Variants in BCAR3 observed in about 807,000 individuals in gnomAD.
The protein encoded by BCAR3 is BCAR3 adaptor protein, NSP family member.
A neutral mutation model predicts 80.1 loss-of-function variants in BCAR3; 37 were observed. The observed-to-expected ratio is 0.46, with a 90% CI of 0.36 to 0.61. The LOEUF is 0.61. BCAR3 is among the 20% of genes least tolerant of loss of function. The pLI is 0.00. For missense variants in BCAR3, 978 were observed against 1,068.2 expected (o/e 0.92, Z 1.18); for synonymous variants, 389 against 418.9 (o/e 0.93, Z 0.87).
At chr1:93,695,890 C>G (rs1012110559) in intron 3 of BCAR3, among the ~76,000 whole-genome samples, 3 of 152,306 alleles carry the variant, frequency 2.0e-5, no homozygotes, top group South Asian at 2.1e-4. Context: ...GACTCTTTTG[C>G]TACCTCTCTG....
chr1:93,716,059 C>T (rs1008897188), intron 2 of BCAR3, among the ~76,000 whole-genome samples: 1 of 152,190 alleles, frequency 6.6e-6, no homozygotes, highest in Admixed American at 6.5e-5. Context: ...GGGCCCAGAA[C>T]AGTTTGCAGG....
chr1:93,811,680 G>C (rs564870840), intron 2 of BCAR3, among the ~76,000 whole-genome samples: 9 of 152,302 alleles, frequency 5.9e-5, no homozygotes, highest in African/African-American at 2.2e-4. Context: ...TGGCCTGTGA[G>C]CTTCTTCCAC....
intron 3 of BCAR3, among the ~76,000 whole-genome samples, chr1:93,634,704 A>G (rs1489730969): frequency 7.7e-6 from 1 of 129,306 alleles, no homozygotes; most frequent in Non-Finnish European, 1.6e-5. Context: ...CAAAACAACA[A>G]CAACAACAAC....
rs1441900160 is a variant in BCAR3, at chr1:93,786,061, C to T, written c.-63+59506G>A. ...ACAAAAAATTAGCCGGGCGTGGTGG[C>T]GGGCGCCTGTAGTCCCAGCTACTCG... is the stretch of plus-strand genomic sequence containing the variant. On this transcript the variant is annotated intron_variant, in intron 2 of 13. Transcript: ENST00000370244. 2.0e-4 allele frequency among the ~76,000 whole-genome samples: 28 copies of T among 141,338 alleles called. 1 individual carries two copies. Among genetic ancestry groups the T allele is most frequent in the Admixed American group, 1.8e-3 (26 of 14,102 alleles). 92.7% of individuals were successfully genotyped at this position (141,338 alleles called of 152,430 possible).
chr1:93,755,963 G>A (rs1369201753), intron 2 of BCAR3, among the ~76,000 whole-genome samples: 1 of 152,146 alleles, frequency 6.6e-6, no homozygotes, highest in Non-Finnish European at 1.5e-5. Flanking sequence ...CCCACAGCAG[G>A]AGCCAGCTTG....
chr1:93,764,555 TC>T (rs1448072342), intron 2 of BCAR3, among the ~76,000 whole-genome samples: 2 of 152,086 alleles, frequency 1.3e-5, no homozygotes, highest in Non-Finnish European at 2.9e-5. Flanking sequence ...GCTGCGGCTA[TC>T]ACCACTCTCT....
In BCAR3 at chr1:93,806,409, G is replaced by A. The variant is rs1571140958; in HGVS notation, c.-63+39158C>T. ...GCTGGATAGGACTAACATGGAAAGT[G>A]AGGGGTGAAACTATGCAAGAACAAA... On this transcript the variant is annotated intron_variant, in intron 2 of 13. Coordinates refer to the BCAR3 transcript ENST00000370244. Among the ~76,000 whole-genome samples, 3 of 152,184 alleles carry A rather than the reference G, an allele frequency of 2.0e-5. No individual in the cohort carries two copies. The East Asian group carries it at 5.8e-4, about 29-fold the overall frequency.
chr1:93,607,277 G>C (rs1020398908), intron 3 of BCAR3, among the ~76,000 whole-genome samples: 1 of 152,164 alleles, frequency 6.6e-6, no homozygotes, highest in African/African-American at 2.4e-5. Context: ...CAGCTTCGGG[G>C]TGGAGGAAGA....
chr1:93,604,576 T>G (rs1328472084), intron 3 of BCAR3, among the ~76,000 whole-genome samples: 1 of 152,242 alleles, frequency 6.6e-6, no homozygotes, highest in African/African-American at 2.4e-5. Flanking sequence ...TACATTAGAA[T>G]CATTGTGATA....
At chr1:93,667,641 C>T (rs1647989556) in intron 2 of BCAR3, among the ~76,000 whole-genome samples, 1 of 152,194 alleles carries the variant, frequency 6.6e-6, no homozygotes, top group African/African-American at 2.4e-5. Flanking sequence ...TTTCTCAGAC[C>T]TCTCTAACTT....
intron 3 of BCAR3, among the ~76,000 whole-genome samples, chr1:93,618,229 T>C (rs935797656): frequency 6.6e-6 from 1 of 152,250 alleles, no homozygotes; most frequent in Admixed American, 6.5e-5. Flanking sequence ...CTGCGCCCTC[T>C]GGCCCCCTTT....
intron 3 of BCAR3, among the ~76,000 whole-genome samples, chr1:93,695,043 C>T (rs1029644289): frequency 3.9e-5 from 6 of 152,220 alleles, no homozygotes; most frequent in Non-Finnish European, 8.8e-5. Context: ...ACATTCCCCT[C>T]GCCCTCCCAC....
At chr1:93,616,915 C>A (rs1471536631) in intron 3 of BCAR3, among the ~76,000 whole-genome samples, 1 of 152,218 alleles carries the variant, frequency 6.6e-6, no homozygotes, top group East Asian at 1.9e-4. Context: ...CCGAGGGAAA[C>A]ACTTGTGATT....
In BCAR3 at chr1:93,705,396, G is replaced by A. The variant is rs12062783; in HGVS notation, c.-12+696C>T. 5.2e-3 allele frequency among the ~76,000 whole-genome samples: 788 copies of A among 152,308 alleles called. 8 individuals are homozygous for A. The highest frequency in any genetic ancestry group is 0.018 in the African/African-American group (749 of 41,558). On this transcript the variant is annotated intron_variant, in intron 3 of 13. Transcript: ENST00000370244. ...GACCTCCCAGGGAGAGAGCAGGAAT[G>A]TTATGCCATATAAACCCACTACCAG... is the stretch of plus-strand genomic sequence containing the variant.
chr1:93,633,067 C>T (rs546036279), intron 3 of BCAR3, among the ~76,000 whole-genome samples: 1 of 152,212 alleles, frequency 6.6e-6, no homozygotes, highest in Non-Finnish European at 1.5e-5. Flanking sequence ...GCTTAGTGGT[C>T]ATATAAAAAT....
intron 3 of BCAR3, among the ~76,000 whole-genome samples, chr1:93,615,922 G>A (rs1675109533): frequency 6.6e-6 from 1 of 152,160 alleles, no homozygotes; most frequent in African/African-American, 2.4e-5. Flanking sequence ...AGGGAGGGGG[G>A]CAGTGACTGA....
chr1:93,562,702 T>C (rs698934), intron 11 of BCAR3, among the ~76,000 whole-genome samples: 3 of 128,036 alleles, frequency 2.3e-5, no homozygotes, highest in Non-Finnish European at 4.7e-5. Flanking sequence ...ACCCGGGAGG[T>C]GGAGCTTGCA....
At chr1:93,571,211 A>G (rs1201137612) in intron 9 of BCAR3, among the ~76,000 whole-genome samples, 1 of 151,760 alleles carries the variant, frequency 6.6e-6, no homozygotes, top group Non-Finnish European at 1.5e-5. Context: ...TTAAAAAAAA[A>G]AAAAAATAGA....
chr1:93,648,269 G>A (rs1178742028), intron 2 of BCAR3, among the ~76,000 whole-genome samples: 3 of 152,192 alleles, frequency 2.0e-5, no homozygotes, highest in East Asian at 3.9e-4. Context: ...TATGAGGTGA[G>A]GGTTGTAGTT....
Sources: gnomAD v4.1 joint callset for allele counts (sites outside exome capture counted in the v4.1 genomes callset) on GRCh38, gnomAD v4.1.1 for gene constraint, MANE v1.5 for transcripts, NCBI Gene and HGNC (gene_info 2026-07-23, HGNC 2026-07-21) for gene names.